LSAMP: variants seen among roughly 807,000 people sequenced by gnomAD.
LSAMP encodes the protein limbic system-associated membrane protein.
Under a neutral mutation model 38.6 loss-of-function variants are expected in LSAMP, and 7 were observed. The observed-to-expected ratio is 0.18, with a 90% CI of 0.10 to 0.34. The LOEUF (loss-of-function observed/expected upper bound fraction) is 0.34. LSAMP is among the 10% of genes least tolerant of loss of function. LSAMP has a pLI of 1.00. For missense variants in LSAMP, 313 were observed against 420.0 expected (o/e 0.75, Z 2.23); for synonymous variants, 154 against 166.8 (o/e 0.92, Z 0.59).
At chr3:116,172,492 A>G (rs759392597) in intron 1 of LSAMP, among the ~76,000 whole-genome samples, 38 of 152,052 alleles carry the variant, frequency 2.5e-4, no homozygotes, top group Non-Finnish European at 5.2e-4. Flanking sequence ...CCCAACAACT[A>G]ATATTTTTTG....
chr3:116,278,717 G>A (rs539455047), intron 1 of LSAMP, among the ~76,000 whole-genome samples: 1 of 152,302 alleles, frequency 6.6e-6, no homozygotes, highest in Admixed American at 6.5e-5. Context: ...CACGCTTAAT[G>A]TGAATAAAGT....
chr3:115,841,011 G>T (rs1257162035), intron 6 of LSAMP, among the ~76,000 whole-genome samples: 2 of 152,118 alleles, frequency 1.3e-5, no homozygotes, highest in African/African-American at 4.8e-5. Context: ...ACTCCATTTA[G>T]CATCCTTCTG....
At chr3:116,326,702 G>A (rs954519498) in intron 1 of LSAMP, among the ~76,000 whole-genome samples, 1 of 152,164 alleles carries the variant, frequency 6.6e-6, no homozygotes, top group East Asian at 1.9e-4. Flanking sequence ...ATTGGTCATG[G>A]TCTCACAGGC....
chr3:115,829,346 G>A (rs1420913247), intron 6 of LSAMP, among the ~76,000 whole-genome samples: 1 of 152,168 alleles, frequency 6.6e-6, no homozygotes, highest in Non-Finnish European at 1.5e-5. Context: ...AAGAAAATCA[G>A]AAGGAAATCA....
chr3:115,968,434 T>C (rs1477717339), intron 3 of LSAMP, among the ~76,000 whole-genome samples: 2 of 152,100 alleles, frequency 1.3e-5, no homozygotes, highest in Non-Finnish European at 2.9e-5. Context: ...GACTGGGTCC[T>C]TTCCTTCAAA....
rs111957078 is a variant in LSAMP, at chr3:116,293,791, T to C, written c.155+151086A>G. The stretch of plus-strand genomic sequence containing the variant: ...AAAAGTGGGAAGTAAGATTCCGAGT[T>C]GGGGGTAAGGCAGGAATTGTTCTAT... On this transcript the variant is annotated intron_variant, in intron 1 of 6. Coordinates refer to ENST00000490035, the MANE Select transcript of LSAMP (RefSeq NM_002338.5). 4.1e-3 allele frequency among the ~76,000 whole-genome samples: 618 copies of C among 152,174 alleles called. 8 individuals are homozygous for C. The highest frequency in any genetic ancestry group is 0.014 in the African/African-American group (600 of 41,520).
chr3:116,400,210 C>T (rs931566780), intron 1 of LSAMP, among the ~76,000 whole-genome samples: 1 of 151,920 alleles, frequency 6.6e-6, no homozygotes, highest in African/African-American at 2.4e-5. Context: ...TGAGGTTTCC[C>T]TTTTTTCTCA....
intron 1 of LSAMP, among the ~76,000 whole-genome samples, chr3:116,278,957 G>T (rs749023960): frequency 6.6e-6 from 1 of 152,166 alleles, no homozygotes; most frequent in Non-Finnish European, 1.5e-5. Flanking sequence ...AGTGCCCTGG[G>T]AGAATACATA....
chr3:115,889,425 G>T (rs1936538676), intron 3 of LSAMP, among the ~76,000 whole-genome samples: 1 of 151,788 alleles, frequency 6.6e-6, no homozygotes, highest in South Asian at 2.1e-4. Context: ...CTCCAATTGG[G>T]GTTATATTTA....
chr3:115,922,423 A>G (rs1416392102), intron 3 of LSAMP, among the ~76,000 whole-genome samples: 1 of 148,534 alleles, frequency 6.7e-6, no homozygotes, highest in Non-Finnish European at 1.5e-5. Flanking sequence ...TTTGGTTTTC[A>G]AATATATATA....
At chr3:115,923,531 T>G (rs1937430235) in intron 3 of LSAMP, among the ~76,000 whole-genome samples, 1 of 152,244 alleles carries the variant, frequency 6.6e-6, no homozygotes, top group Non-Finnish European at 1.5e-5. Flanking sequence ...TGCTATCTTG[T>G]TGATATCACT....
At chr3:115,907,162 G>A (rs1200814645) in intron 3 of LSAMP, among the ~76,000 whole-genome samples, 2 of 152,048 alleles carry the variant, frequency 1.3e-5, no homozygotes, top group Non-Finnish European at 2.9e-5. Flanking sequence ...GTTCCCACTT[G>A]GATCTAATTC....
chr3:116,431,881 T>G (rs1354117821), intron 1 of LSAMP, among the ~76,000 whole-genome samples: 1 of 152,026 alleles, frequency 6.6e-6, no homozygotes, highest in African/African-American at 2.4e-5. Context: ...TTAAATTATA[T>G]TTTTAAAAAA....
At chr3:116,318,368 A>G (rs766243447) in intron 1 of LSAMP, among the ~76,000 whole-genome samples, 3 of 152,178 alleles carry the variant, frequency 2.0e-5, no homozygotes, top group Non-Finnish European at 4.4e-5. Flanking sequence ...GTTAGTCTCC[A>G]CACCAGGAGG....
At chr3:116,297,660 T>C (rs1223600484) in intron 1 of LSAMP, among the ~76,000 whole-genome samples, 2 of 152,142 alleles carry the variant, frequency 1.3e-5, no homozygotes, top group African/African-American at 4.8e-5. Context: ...AATGTCTTTC[T>C]GGATAGACTG....
intron 1 of LSAMP, among the ~76,000 whole-genome samples, chr3:116,339,056 G>T (rs2047957251): frequency 6.6e-6 from 1 of 151,960 alleles, no homozygotes; most frequent in Non-Finnish European, 1.5e-5. Context: ...CAAATGTAAA[G>T]GTGATATTTA....
intron 3 of LSAMP, among the ~76,000 whole-genome samples, chr3:115,893,610 T>G (rs1936656108): frequency 6.6e-6 from 1 of 151,960 alleles, no homozygotes; most frequent in South Asian, 2.1e-4. Context: ...AAAAATTGAG[T>G]TGTCTCTTTA....
chr3:116,022,408 T>G (rs1940665014), intron 2 of LSAMP, among the ~76,000 whole-genome samples: 1 of 152,152 alleles, frequency 6.6e-6, no homozygotes, highest in African/African-American at 2.4e-5. Flanking sequence ...CACCTCAACC[T>G]TCAGTGCAAT....
rs184770476 is a variant in LSAMP, at chr3:115,890,648, T to C, written c.515-38031A>G. Among the ~76,000 whole-genome samples the C allele has an allele frequency of 1.6e-3, 244 of 152,098 alleles. 2 individuals are homozygous for C. Among genetic ancestry groups the C allele is most frequent in the African/African-American group, 5.6e-3 (233 of 41,538 alleles). ...TTCTCCTACTCTTCGCCTGTTTCTG[T>C]TTCCCTTTTTCCCAGGAAACAAAAC... On this transcript the variant is annotated intron_variant, in intron 3 of 6. Coordinates refer to ENST00000490035, the MANE Select transcript of LSAMP (RefSeq NM_002338.5).
Sources: allele counts gnomAD v4.1 joint callset (sites outside exome capture counted in the v4.1 genomes callset), GRCh38; gene constraint gnomAD v4.1.1; transcripts MANE v1.5; gene names NCBI Gene and HGNC (gene_info 2026-07-23, HGNC 2026-07-21).